Variants in EPHA4 observed in about 807,000 individuals in gnomAD.
The protein encoded by EPHA4 is EPH receptor A4.
A neutral mutation model predicts 108.3 loss-of-function variants in EPHA4; 19 were observed. The observed-to-expected ratio is 0.18, with a 90% confidence interval of 0.12 to 0.26. The LOEUF is 0.26. Among genes scored for constraint, EPHA4 ranks in the 10% least tolerant of loss-of-function variants. EPHA4 has a pLI of 1.00. For missense variants in EPHA4, 917 were observed against 1,254.0 expected (o/e 0.73, Z 4.06); for synonymous variants, 449 against 455.5 (o/e 0.99, Z 0.18).
intron 3 of EPHA4, among the ~76,000 whole-genome samples, chr2:221,559,176 A>G (rs564692450): frequency 6.6e-6 from 1 of 152,322 alleles, no homozygotes; most frequent in South Asian, 2.1e-4. Context: ...GTACATTTTA[A>G]TACTGATGAC....
At chr2:221,473,061 T>C (rs530472348) in intron 5 of EPHA4, among the ~76,000 whole-genome samples, 1 of 152,258 alleles carries the variant, frequency 6.6e-6, no homozygotes, top group South Asian at 2.1e-4. Context: ...CATTTCCCAA[T>C]GAGGAAGCCA....
intron 3 of EPHA4, among the ~76,000 whole-genome samples, chr2:221,512,554 A>G (rs1692860376): frequency 6.6e-6 from 1 of 152,218 alleles, no homozygotes; most frequent in Admixed American, 6.5e-5. Flanking sequence ...TATTTGGGGT[A>G]CATAAAGATG....
intron 3 of EPHA4, among the ~76,000 whole-genome samples, chr2:221,529,116 C>A (rs1468102967): frequency 6.6e-6 from 1 of 152,060 alleles, no homozygotes; most frequent in African/African-American, 2.4e-5. Context: ...GCATGGTTTC[C>A]TTTACTGCAA....
chr2:221,519,146 C>T (rs1693083746), intron 3 of EPHA4, among the ~76,000 whole-genome samples: 2 of 152,116 alleles, frequency 1.3e-5, no homozygotes, highest in Admixed American at 6.6e-5. Flanking sequence ...GGCAAAGGTT[C>T]CTTTACTAAC....
chr2:221,432,058 A>G (rs1467071446), intron 14 of EPHA4, among the ~76,000 whole-genome samples: 1 of 151,834 alleles, frequency 6.6e-6, no homozygotes, highest in Non-Finnish European at 1.5e-5. Context: ...ATGGCTTCAG[A>G]TGCCTTTTCG....
chr2:221,569,255 G>T (rs1694758225), intron 1 of EPHA4: 1 of 152,162 alleles, frequency 6.6e-6, no homozygotes, highest in Non-Finnish European at 1.5e-5. Flanking sequence ...CTATCCAAAG[G>T]GTCAGGAAAA....
intron 13 of EPHA4, among the ~76,000 whole-genome samples, chr2:221,435,475 GC>G (rs538299328): frequency 1.3e-4 from 20 of 151,610 alleles, no homozygotes; most frequent in African/African-American, 3.9e-4. Context: ...ATACCCCCCT[GC>G]CCCCCTCCAA....
At chr2:221,432,648 T>C (rs1433450083) in intron 14 of EPHA4, among the ~76,000 whole-genome samples, 58 of 147,914 alleles carry the variant, frequency 3.9e-4, no homozygotes, top group African/African-American at 5.6e-4. Context: ...CACCGAACAT[T>C]TTTTTTTTTT....
At chr2:221,517,855 T>C (rs1693036170) in intron 3 of EPHA4, among the ~76,000 whole-genome samples, 1 of 152,116 alleles carries the variant, frequency 6.6e-6, no homozygotes, top group Non-Finnish European at 1.5e-5. Context: ...CACTTGCAAG[T>C]GGGCCACACC....
intron 3 of EPHA4, among the ~76,000 whole-genome samples, chr2:221,550,418 G>GGAGAGAGAGAGAGAGAGA (rs71406572): frequency 5.2e-5 from 7 of 135,602 alleles, no homozygotes; most frequent in African/African-American, 5.5e-5. Flanking sequence ...TGAGGAAAGG[G>GGAGAGAGAGAGAGAGAGA]GAGAGAGAGA....
chr2:221,475,302 G>A (rs193295571), intron 5 of EPHA4, among the ~76,000 whole-genome samples: 3 of 152,314 alleles, frequency 2.0e-5, no homozygotes, highest in Non-Finnish European at 2.9e-5. Context: ...TTAAATCTGA[G>A]TGCCAATGGG....
At chr2:221,463,025 C>G (rs1054678880) in intron 5 of EPHA4, among the ~76,000 whole-genome samples, 1 of 152,132 alleles carries the variant, frequency 6.6e-6, no homozygotes, top group Non-Finnish European at 1.5e-5. Flanking sequence ...CAAAGATGGA[C>G]TAGGGCAAAG....
Position 221,435,484 on chromosome 2 carries a change from C to CA in EPHA4, c.2346+914dup, listed in dbSNP as rs538105792. 1.3e-3 allele frequency among the ~76,000 whole-genome samples: 203 copies of CA among 152,028 alleles called. 2 individuals are homozygous for CA. Among genetic ancestry groups the CA allele is most frequent in the South Asian group, 3.7e-3 (18 of 4,804 alleles). On this transcript the variant is annotated intron_variant, in intron 13 of 17. Transcript: ENST00000281821. ...AATACTATACCCCCCTGCCCCCCTC[C>CA]AAAAAAAGCTCAGCCAACCAACCAA...
intron 3 of EPHA4, among the ~76,000 whole-genome samples, chr2:221,512,942 T>C (rs1215144958): frequency 6.6e-6 from 1 of 152,286 alleles, no homozygotes; most frequent in African/African-American, 2.4e-5. Flanking sequence ...GCAGAGGTGC[T>C]TTGAGACTTT....
At chr2:221,522,751 TATTATTATTATTATTATTA>T (rs1693201996) in intron 3 of EPHA4, among the ~76,000 whole-genome samples, 1 of 37,050 alleles carries the variant, frequency 2.7e-5, no homozygotes, top group East Asian at 4.7e-4. Flanking sequence ...TTATTATTAT[TATTATTATTATTATTATTA>T]TTATTTTTTT....
chr2:221,483,535 T>A (rs4673002), intron 4 of EPHA4, among the ~76,000 whole-genome samples: 18 of 150,300 alleles, frequency 1.2e-4, no homozygotes, highest in East Asian at 4.0e-4. Context: ...TGTGTGTGTG[T>A]GATGGAGTCT....
rs745837888 is a variant in EPHA4, at chr2:221,482,459, A to G, written c.1211T>C (p.Leu404Pro). 1 of 1,614,112 alleles carries G rather than the reference A, an allele frequency of 6.2e-7. No homozygotes were observed. The highest frequency in any genetic ancestry group is 8.5e-7 in the Non-Finnish European group (1 of 1,179,968). Reference protein sequence around the residue: ...KTTKVSITDLLAHTNYTFEIW... With the variant: ...KTTKVSITDLPAHTNYTFEIW... ...TTCAAAGGTGTAATTGGTATGAGCT[A>G]GGAGGTCAGTGATGGAGACTTTGGT... The change falls in exon 5 of 18, where the codon CTA becomes CCA. Residue 404 changes from leucine (L) to proline (P), a missense_variant. This residue lies in a region of EPHA4 where 758 missense variants were observed against 1,076.7 expected (regional missense o/e 0.70). Transcript: ENST00000281821.
chr2:221,565,500 T>A (rs1032489783), intron 2 of EPHA4, among the ~76,000 whole-genome samples: 2 of 152,122 alleles, frequency 1.3e-5, no homozygotes, highest in African/African-American at 4.8e-5. Context: ...CAAGAGATAG[T>A]TTTTTTAAAA....
At chr2:221,441,613 CTGGT>C (rs1690431887) in intron 11 of EPHA4, among the ~76,000 whole-genome samples, 1 of 152,122 alleles carries the variant, frequency 6.6e-6, no homozygotes, top group Non-Finnish European at 1.5e-5. Context: ...CTCCACTGAG[CTGGT>C]TAACACTTAG....
Sources: gnomAD v4.1 joint callset for allele counts (sites outside exome capture counted in the v4.1 genomes callset) on GRCh38, gnomAD v4.1.1 for gene constraint, gnomAD v4.1.1 regional missense constraint, MANE v1.5 for transcripts, NCBI Gene and HGNC (gene_info 2026-07-23, HGNC 2026-07-21) for gene names.